ALX4: variants seen among roughly 807,000 people sequenced by gnomAD.
ALX4 encodes the protein ALX homeobox 4, also known as homeobox protein aristaless-like 4.
Under a neutral mutation model 40.6 loss-of-function variants are expected in ALX4, and 22 were observed. The observed-to-expected ratio is 0.54, with a 90% CI of 0.39 to 0.77. ALX4 has a LOEUF of 0.77. Among genes scored for constraint, ALX4 ranks in the 30% least tolerant of loss-of-function variants. The pLI is 0.00. For synonymous variants in ALX4, 266 were observed against 240.5 expected, an observed-to-expected ratio of 1.11 and a Z score of -0.98; for missense variants, 556 against 564.8, an observed-to-expected ratio of 0.98 and a Z score of 0.16.
chr11:44,284,191 G>C (rs896641754), intron 1 of ALX4, among the ~76,000 whole-genome samples: 2 of 150,070 alleles, frequency 1.3e-5, no homozygotes, highest in Non-Finnish European at 3.0e-5. Flanking sequence ...TGGGTCTATG[G>C]GTTAATTTTG....
In ALX4 at chr11:44,260,661, G is replaced by T. The variant is rs1233623591; in HGVS notation, c.*4193C>A. The T allele has an allele frequency of 6.6e-6, 1 of 151,900 alleles. No homozygotes were observed. Among genetic ancestry groups the T allele is most frequent in the Non-Finnish European group, 1.5e-5 (1 of 67,988 alleles). The allele number at this position is 151,900 out of a possible 1,614,324, so 9.4% of individuals were successfully genotyped here. A position where few individuals can be genotyped will look rare whatever the true frequency, so the allele number is the denominator to read the frequency against. On this transcript the variant is annotated 3_prime_UTR_variant, in exon 4 of 4. Transcript: ENST00000652299. Reference sequence around the variant, plus strand: ...GCAAGAACGTTTCTTTTAATATTTTGCTATAATGTAGTTACATGGTGGTAT... The same window carrying T: ...GCAAGAACGTTTCTTTTAATATTTTTCTATAATGTAGTTACATGGTGGTAT...
chr11:44,292,798 TA>T (rs1956377444), intron 1 of ALX4, among the ~76,000 whole-genome samples: 1 of 152,036 alleles, frequency 6.6e-6, no homozygotes, highest in Non-Finnish European at 1.5e-5. Context: ...ACATGTTAGT[TA>T]AAAATGGTTC....
intron 1 of ALX4, among the ~76,000 whole-genome samples, chr11:44,277,805 C>T (rs1956286309): frequency 6.6e-6 from 1 of 152,194 alleles, no homozygotes; most frequent in Non-Finnish European, 1.5e-5. Flanking sequence ...CAGGAGGCTG[C>T]TCCTGAGGGC....
At chr11:44,275,241 G>T in intron 2 of ALX4, 107 bp downstream of exon 2, 1 of 1,188,932 alleles carries the variant, frequency 8.4e-7, no homozygotes, top group Non-Finnish European at 1.2e-6. Context: ...CTGAGGAAAG[G>T]AAAGCCATGG....
intron 1 of ALX4, among the ~76,000 whole-genome samples, chr11:44,298,498 C>T (rs1956416518): frequency 6.6e-6 from 1 of 152,152 alleles, no homozygotes; most frequent in African/African-American, 2.4e-5. Context: ...AGGCAGCACC[C>T]TGGGCAGGTG....
chr11:44,288,084 C>T (rs1182921728), intron 1 of ALX4, among the ~76,000 whole-genome samples: 1 of 152,156 alleles, frequency 6.6e-6, no homozygotes, highest in Non-Finnish European at 1.5e-5. Flanking sequence ...TCAAGTGATT[C>T]CCTATGTTGG....
intron 1 of ALX4, among the ~76,000 whole-genome samples, chr11:44,303,033 G>A (rs12292068): frequency 0.25 from 36,340 of 145,694 alleles, 4,671 homozygotes; most frequent in African/African-American, 0.35. Context: ...TGGAGGCTGG[G>A]GTGATCTACA....
At chr11:44,309,317 C>G (rs2119922271) in intron 1 of ALX4, among the ~76,000 whole-genome samples, 1 of 152,232 alleles carries the variant, frequency 6.6e-6, no homozygotes, top group East Asian at 1.9e-4. Flanking sequence ...CAGCGGGCAG[C>G]GCAAAGCGAG....
At chr11:44,270,644 A>C (rs989429968) in intron 2 of ALX4, among the ~76,000 whole-genome samples, 3 of 151,986 alleles carry the variant, frequency 2.0e-5, no homozygotes, top group Admixed American at 6.6e-5. Flanking sequence ...ATGCCACACC[A>C]ACCCCCACGC....
intron 1 of ALX4, among the ~76,000 whole-genome samples, chr11:44,291,666 G>A (rs7946680): frequency 0.68 from 102,440 of 151,600 alleles, 34,844 homozygotes; most frequent in South Asian, 0.89. Context: ...TCAGCCTCCC[G>A]AAGTGCTAGG....
rs545822184 is a variant in ALX4, at chr11:44,269,990, TTG to T, written c.778-2370_778-2369del. ...GTCACTGTGACTGTTGGGGTTCTCC[TTG>T]TGTCTCTGTGGGTTCCAGGTCCCCA... On this transcript the variant is annotated intron_variant, in intron 2 of 3. Coordinates refer to ENST00000652299, the MANE Select transcript of ALX4 (RefSeq NM_021926.4). Among the ~76,000 whole-genome samples, 284 of 152,192 alleles carry T rather than the reference TTG, an allele frequency of 1.9e-3. 1 individual carries two copies. The highest frequency in any genetic ancestry group is 3.3e-3 in the Non-Finnish European group (222 of 68,000).
chr11:44,277,251 C>G (rs1017626898), intron 1 of ALX4, among the ~76,000 whole-genome samples: 1 of 152,196 alleles, frequency 6.6e-6, no homozygotes, highest in East Asian at 1.9e-4. Flanking sequence ...CATTAGAGGA[C>G]TCCGACCCTG....
chr11:44,295,715 C>T (rs12793949), intron 1 of ALX4, among the ~76,000 whole-genome samples: 67,768 of 152,138 alleles, frequency 0.45, 15,597 homozygotes, highest in Admixed American at 0.52. Flanking sequence ...TCTTGGAGCT[C>T]CTCCAAGCTC....
chr11:44,304,497 C>G (rs1956454718), intron 1 of ALX4, among the ~76,000 whole-genome samples: 1 of 152,126 alleles, frequency 6.6e-6, no homozygotes, highest in South Asian at 2.1e-4. Context: ...AGGGCGCGCC[C>G]CCCCCATGAA....
At chr11:44,275,210 C>T (rs981064007) in intron 2 of ALX4, 138 bp downstream of exon 2, 2 of 868,302 alleles carry the variant, frequency 2.3e-6, no homozygotes, top group Non-Finnish European at 3.7e-6. Flanking sequence ...TAGGAGCCCC[C>T]ACTTTCAGGT....
intron 1 of ALX4, among the ~76,000 whole-genome samples, chr11:44,302,678 C>G (rs905458604): frequency 3.3e-5 from 5 of 152,172 alleles, no homozygotes; most frequent in African/African-American, 9.7e-5. Flanking sequence ...TTACCCCCTC[C>G]CTATTTGCAT....
Position 44,276,751 on chromosome 11 carries a change from C to T in ALX4, c.467-1093G>A, listed in dbSNP as rs1004704171. On this transcript the variant is annotated intron_variant, in intron 1 of 3. Transcript: ENST00000652299. ...ATGGTTTGGGGATGAAACTGTTCCA[C>T]CTCAAATCATCAGGCATCAGATTCT... Among the ~76,000 whole-genome samples the T allele has an allele frequency of 1.4e-4, 22 of 152,316 alleles. 3 individuals are homozygous for T. Among genetic ancestry groups the T allele is most frequent in the Admixed American group, 1.1e-3 (17 of 15,308 alleles).
intron 2 of ALX4, among the ~76,000 whole-genome samples, chr11:44,270,365 G>A (rs1956238575): frequency 6.6e-6 from 1 of 152,046 alleles, no homozygotes; most frequent in African/African-American, 2.4e-5. Context: ...GCGACCGGTG[G>A]GAGCAGGGCT....
chr11:44,305,560 A>G (rs1956461627), intron 1 of ALX4, among the ~76,000 whole-genome samples: 1 of 152,210 alleles, frequency 6.6e-6, no homozygotes, highest in Non-Finnish European at 1.5e-5. Flanking sequence ...TCTCTTGTAT[A>G]CAAAACACAC....
Sources: gnomAD v4.1 joint callset for allele counts (sites outside exome capture counted in the v4.1 genomes callset) on GRCh38, gnomAD v4.1.1 for gene constraint, MANE v1.5 for transcripts, NCBI Gene and HGNC (gene_info 2026-07-23, HGNC 2026-07-21) for gene names.